RSRP1: variants seen among roughly 807,000 people sequenced by gnomAD.
RSRP1 encodes arginine and serine rich protein 1.
In RSRP1, 37 loss-of-function variants were observed where a neutral mutation model predicts 33.0. The ratio of observed to expected loss-of-function variants is 1.12; its 90% confidence interval spans 0.86 to 1.48. The LOEUF (loss-of-function observed/expected upper bound fraction) is 1.48. Among genes scored for constraint, RSRP1 ranks in the 40% most tolerant of loss-of-function variants. The probability of loss-of-function intolerance (pLI) is 0.00; values close to 1 mark genes in which losing one functional copy is unlikely to be tolerated. For missense variants in RSRP1, 402 were observed against 385.3 expected (o/e 1.04, Z -0.36); for synonymous variants, 167 against 158.7 (o/e 1.05, Z -0.40).
intron 1 of RSRP1, among the ~76,000 whole-genome samples, chr1:25,299,073 A>T (rs1398195971): frequency 3.2e-5 from 2 of 62,266 alleles, no homozygotes; most frequent in African/African-American, 6.0e-5. Flanking sequence ...ACATGGTGAT[A>T]AAAAAAAAAA....
chr1:25,246,338 A>C, intron 2 of RSRP1, 106 bp downstream of exon 2: 1 of 1,499,630 alleles, frequency 6.7e-7, no homozygotes, highest in Non-Finnish European at 9.0e-7. Context: ...GATTTCGGGC[A>C]CTAAAGGAAC....
intron 1 of RSRP1, among the ~76,000 whole-genome samples, chr1:25,275,040 A>G (rs1179651499): frequency 7.8e-6 from 1 of 127,624 alleles, no homozygotes; most frequent in Admixed American, 7.6e-5. Flanking sequence ...TGTAATCCCA[A>G]ACACTTTGGG....
intron 1 of RSRP1, among the ~76,000 whole-genome samples, chr1:25,261,558 C>G (rs1251020165): frequency 6.6e-6 from 1 of 151,942 alleles, no homozygotes; most frequent in Non-Finnish European, 1.5e-5. Flanking sequence ...GCGCCCGCCA[C>G]CCTGCCCAGC....
intron 1 of RSRP1, among the ~76,000 whole-genome samples, chr1:25,261,005 T>A (rs1483566797): frequency 1.3e-5 from 2 of 152,058 alleles, no homozygotes; most frequent in Non-Finnish European, 2.9e-5. Flanking sequence ...TTTCACCATA[T>A]TGGCCAGGCT....
chr1:25,261,100 T>C (rs1489314273), intron 1 of RSRP1, among the ~76,000 whole-genome samples: 1 of 151,830 alleles, frequency 6.6e-6, no homozygotes, highest in African/African-American at 2.4e-5. Flanking sequence ...GCACCCGGCC[T>C]CTTTCTCTTC....
chr1:25,312,993 G>T (rs1457234419), intron 1 of RSRP1, among the ~76,000 whole-genome samples: 2 of 109,188 alleles, frequency 1.8e-5, no homozygotes, highest in African/African-American at 6.1e-5. Context: ...ATGTAAGAAG[G>T]ACATGCATTT....
At chr1:25,276,089 G>A (rs1293302631) in intron 1 of RSRP1, among the ~76,000 whole-genome samples, 1 of 131,676 alleles carries the variant, frequency 7.6e-6, no homozygotes, top group Non-Finnish European at 1.8e-5. Context: ...ATTCTAAAAA[G>A]ACATTTTGAG....
At chr1:25,273,302 ATTT>A (rs750823240) in intron 1 of RSRP1, among the ~76,000 whole-genome samples, 4 of 97,778 alleles carry the variant, frequency 4.1e-5, no homozygotes, top group Admixed American at 1.0e-4. Flanking sequence ...TGCCTGGCTA[ATTT>A]TTTTTTTTTT....
At chr1:25,307,704 GCGTTTGGA>G in intron 1 of RSRP1, 1 of 1,308,418 alleles carries the variant, frequency 7.6e-7, no homozygotes, top group Non-Finnish European at 1.1e-6. Context: ...AGGAGCTGAT[GCGTTTGGA>G]CGTGTCTCAG....
At position 25,293,819 on chromosome 1, in the gene RSRP1, G is replaced by C. The variant is rs560104212; in HGVS notation, c.-67+44159C>G. On this transcript the variant is annotated intron_variant, in intron 1 of 1. Coordinates refer to the RSRP1 transcript ENST00000561867. ...ATTCCCAAGGCAAATATGGAAATTT[G>C]ATCATGTACTAATCATAATAAAGCT... is the stretch of plus-strand genomic sequence containing the variant. Among the ~76,000 whole-genome samples, 3 of 131,950 alleles carry C rather than the reference G, an allele frequency of 2.3e-5. 1 individual carries two copies. Among genetic ancestry groups the C allele is most frequent in the Non-Finnish European group, 3.6e-5 (2 of 55,896 alleles). 86.6% of individuals were successfully genotyped at this position (131,950 alleles called of 152,430 possible). A position where few individuals can be genotyped will look rare whatever the true frequency, so the allele number is the denominator to read the frequency against.
rs374161783 is a variant in RSRP1 at position 25,246,909 on chromosome 1, G to C, written c.55C>G (p.Pro19Ala). ...GACCCGCCCGACCGCGAGGTCGAGG[G>C]CGAATCCTTCTCCTGCGGCGAGCCC... ...WPGSPQEKDS[P>A]STSRSGGSSR... is the part of the protein sequence containing the mutation. Residue 19 changes from proline (P) to alanine (A), a missense_variant, in exon 2 of 5, where the codon CCC becomes GCC. Transcript: ENST00000243189. 1 of 1,600,896 alleles carries C rather than the reference G, an allele frequency of 6.2e-7. No individual in the cohort carries two copies. The highest frequency in any genetic ancestry group is 1.7e-5 in the Admixed American group (1 of 58,990).
intron 1 of RSRP1, among the ~76,000 whole-genome samples, chr1:25,312,620 T>C (rs959436088): frequency 1.6e-5 from 2 of 129,006 alleles, no homozygotes; most frequent in African/African-American, 5.3e-5. Context: ...TATTGTGGCA[T>C]ATACCTGTAA....
rs182629341 is a variant in RSRP1 at position 25,300,307 on chromosome 1, T to C, written c.-67+37671A>G. ...GGGAAGGATCTCTTGAGCCCAGGAG[T>C]TCAAGACCAGCCTGAGCAACATAGC... On this transcript the variant is annotated intron_variant, in intron 1 of 1. Coordinates refer to the RSRP1 transcript ENST00000561867. Among the ~76,000 whole-genome samples, 6 of 123,122 alleles carry C rather than the reference T, an allele frequency of 4.9e-5. No individual in the cohort carries two copies. In the East Asian group the frequency reaches 1.2e-3, roughly 25 times the overall value. 80.8% of individuals were successfully genotyped at this position (123,122 alleles called of 152,430 possible).
intron 3 of RSRP1, chr1:25,244,944 A>T (rs2124532722): frequency 7.0e-7 from 1 of 1,423,602 alleles, no homozygotes; most frequent in Non-Finnish European, 9.2e-7. Flanking sequence ...TACAGGCATG[A>T]GGCACCATGC....
Position 25,307,778 on chromosome 1 carries a change from C to A in RSRP1, c.-67+30200G>T, listed in dbSNP as rs1330699595. ...GGTTCTTGGATGCCTTCTACAGAGA[C>A]AACCATAGCCCCAAATTATAGGGAT... On this transcript the variant is annotated intron_variant, in intron 1 of 1. Transcript: ENST00000561867. 5 of 1,302,138 alleles carry A rather than the reference C, an allele frequency of 3.8e-6. No homozygotes were observed. In the African/African-American group the frequency reaches 7.3e-5, roughly 19 times the overall value. 80.7% of individuals were successfully genotyped at this position (1,302,138 alleles called of 1,614,324 possible).
chr1:25,306,947 C>A, intron 1 of RSRP1: 1 of 528,144 alleles, frequency 1.9e-6, no homozygotes, highest in Non-Finnish European at 3.7e-6. Flanking sequence ...CAAATAGGGC[C>A]ACCTAGGTAT....
chr1:25,261,692 C>A (rs1640158510), intron 1 of RSRP1, among the ~76,000 whole-genome samples: 1 of 150,334 alleles, frequency 6.7e-6, no homozygotes, highest in Non-Finnish European at 1.5e-5. Flanking sequence ...GCATGAGCCA[C>A]CGCGCCCAGC....
intron 1 of RSRP1, among the ~76,000 whole-genome samples, chr1:25,312,947 A>AAAAAAAAAAAAAAAAAAAAAAAAAAAG (rs1644238926): frequency 9.1e-6 from 1 of 110,162 alleles, no homozygotes; most frequent in Admixed American, 9.2e-5. Context: ...AAAAAAAAAA[A>AAAAAAAAAAAAAAAAAAAAAAAAAAAG]AAAAAAAACT....
intron 1 of RSRP1, among the ~76,000 whole-genome samples, chr1:25,266,454 CT>C (rs1293560111): frequency 7.7e-6 from 1 of 129,162 alleles, no homozygotes; most frequent in East Asian, 1.9e-4. Context: ...TTCCTCCACC[CT>C]GAGACATTAA....
Sources: allele counts gnomAD v4.1 joint callset (sites outside exome capture counted in the v4.1 genomes callset), GRCh38; gene constraint gnomAD v4.1.1; transcripts MANE v1.5; gene names NCBI Gene and HGNC (gene_info 2026-07-23, HGNC 2026-07-21).